ATOSA: variants seen among roughly 807,000 people sequenced by gnomAD.
ATOSA encodes atos homolog A.
At chr15:52,639,760 A>AT in the ATOSA span, among the ~76,000 whole-genome samples, 10 of 151,714 alleles carry the variant, frequency 6.6e-5, no homozygotes, top group African/African-American at 2.2e-4. Flanking sequence ...GTGAATATTT[A>AT]TTTTTTTTAG....
At chr15:52,618,483 A>C in the ATOSA span, among the ~76,000 whole-genome samples, 1 of 152,188 alleles carries the variant, frequency 6.6e-6, no homozygotes. Context: ...AAGGACATAC[A>C]AAGTGGGGAA....
the ATOSA span, among the ~76,000 whole-genome samples, chr15:52,601,496 T>A: frequency 6.6e-6 from 1 of 151,412 alleles, no homozygotes; most frequent in Admixed American, 6.6e-5. Context: ...CTCTATTTTT[T>A]TGGGAGGTGG....
chr15:52,666,117 A>G, the ATOSA span, among the ~76,000 whole-genome samples: 1 of 152,162 alleles, frequency 6.6e-6, no homozygotes, highest in East Asian at 1.9e-4. Flanking sequence ...CTTTTAGCTT[A>G]TCTAAATTTT....
the ATOSA span, among the ~76,000 whole-genome samples, chr15:52,677,209 A>G: frequency 6.6e-6 from 1 of 152,206 alleles, no homozygotes; most frequent in Non-Finnish European, 1.5e-5. Context: ...ATTTGGAAGG[A>G]AATCTGTCAT....
chr15:52,616,959 G>T, the ATOSA span, among the ~76,000 whole-genome samples: 2 of 152,082 alleles, frequency 1.3e-5, no homozygotes, highest in East Asian at 3.9e-4. Flanking sequence ...CTTGTTGAGT[G>T]AATTGTTTGT....
chr15:52,636,013 T>C, the ATOSA span, among the ~76,000 whole-genome samples: 1 of 147,338 alleles, frequency 6.8e-6, no homozygotes, highest in Non-Finnish European at 1.5e-5. Context: ...TGTCAAATAA[T>C]AAATAAATAT....
chr15:52,665,398 G>GATACAAAACAAGATACAAA, the ATOSA span, among the ~76,000 whole-genome samples: 1 of 152,158 alleles, frequency 6.6e-6, no homozygotes, highest in Non-Finnish European at 1.5e-5. Context: ...ATAGTAATTA[G>GATACAAAACAAGATACAAA]TCATTTTCTT....
At chr15:52,653,497 G>C in the ATOSA span, among the ~76,000 whole-genome samples, 2 of 152,140 alleles carry the variant, frequency 1.3e-5, no homozygotes, top group Admixed American at 1.3e-4. Flanking sequence ...AACAAGACGT[G>C]CTTGGAAACA....
At chr15:52,706,597 G>A in the ATOSA span, among the ~76,000 whole-genome samples, 7 of 152,026 alleles carry the variant, frequency 4.6e-5, no homozygotes, top group Non-Finnish European at 8.8e-5. Flanking sequence ...ATGTCAAAAG[G>A]AAACAAAAAC....
the ATOSA span, among the ~76,000 whole-genome samples, chr15:52,604,192 C>T: frequency 2.0e-5 from 3 of 152,132 alleles, no homozygotes; most frequent in Non-Finnish European, 4.4e-5. Flanking sequence ...GAGGCGGAGG[C>T]GGGCGGATCA....
chr15:52,583,889 G>C, the ATOSA span, among the ~76,000 whole-genome samples: 1 of 152,004 alleles, frequency 6.6e-6, no homozygotes, highest in Non-Finnish European at 1.5e-5. Context: ...GCTTTGGGGA[G>C]AATAATTAAC....
chr15:52,642,808 TC>T, the ATOSA span, among the ~76,000 whole-genome samples: 1 of 151,830 alleles, frequency 6.6e-6, no homozygotes, highest in Non-Finnish European at 1.5e-5. Context: ...GAAAAAAAGA[TC>T]CTATTTATTT....
chr15:52,664,914 G>C, the ATOSA span, among the ~76,000 whole-genome samples: 1 of 151,066 alleles, frequency 6.6e-6, no homozygotes, highest in South Asian at 2.1e-4. Flanking sequence ...CTCCAGCTTG[G>C]GCAACAGAGG....
chr15:52,629,127 T>TA, the ATOSA span, among the ~76,000 whole-genome samples: 6 of 152,320 alleles, frequency 3.9e-5, no homozygotes, highest in Admixed American at 2.6e-4. Flanking sequence ...TTTGTGGAGT[T>TA]AAGAGTTTTT....
the ATOSA span, among the ~76,000 whole-genome samples, chr15:52,689,555 A>C: frequency 3.3e-5 from 5 of 152,246 alleles, no homozygotes; most frequent in Admixed American, 2.6e-4. Flanking sequence ...GCACTAGGCC[A>C]TGAAAGGTGC....
At chr15:52,635,399 C>A in the ATOSA span, among the ~76,000 whole-genome samples, 2 of 152,118 alleles carry the variant, frequency 1.3e-5, no homozygotes, top group Non-Finnish European at 2.9e-5. Context: ...TCAATAAATT[C>A]AAAAGAATTT....
chr15:52,677,361 A>C, the ATOSA span, among the ~76,000 whole-genome samples: 1 of 152,158 alleles, frequency 6.6e-6, no homozygotes, highest in East Asian at 1.9e-4. Flanking sequence ...ATTAATCAGA[A>C]GACTGATAAA....
the ATOSA span, chr15:52,584,718 C>T: frequency 6.3e-7 from 1 of 1,583,494 alleles, no homozygotes; most frequent in Non-Finnish European, 8.6e-7. Context: ...TCTAAAGTAA[C>T]ATTTTCATAT....
chr15:52,610,599 G>C, the ATOSA span, among the ~76,000 whole-genome samples: 2 of 152,262 alleles, frequency 1.3e-5, no homozygotes, highest in East Asian at 3.9e-4. Flanking sequence ...ATCTTTTTAA[G>C]AACACCAGAT....
Sources: allele counts gnomAD v4.1 joint callset (sites outside exome capture counted in the v4.1 genomes callset), GRCh38; gene constraint gnomAD v4.1.1; transcripts MANE v1.5; gene names NCBI Gene and HGNC (gene_info 2026-07-23, HGNC 2026-07-21).